Variants in A1CF observed in about 807,000 individuals in gnomAD.
The protein encoded by A1CF is APOBEC-1 stimulating protein.
A neutral mutation model predicts 68.9 loss-of-function variants in A1CF; 48 were observed. The observed-to-expected ratio is 0.70, with a 90% CI of 0.55 to 0.89. The LOEUF (loss-of-function observed/expected upper bound fraction) is 0.89, where lower values mean the gene tolerates loss of function less well. Among genes scored for constraint, A1CF ranks in the 40% least tolerant of loss-of-function variants. The pLI, the probability that A1CF is intolerant of heterozygous loss-of-function variation, is 0.00. For synonymous variants in A1CF, 272 were observed against 260.4 expected, an observed-to-expected ratio of 1.04 and a Z score of -0.43; for missense variants, 653 against 718.9, an observed-to-expected ratio of 0.91 and a Z score of 1.05.
intron 3 of A1CF, among the ~76,000 whole-genome samples, chr10:50,847,579 T>C (rs1840056875): frequency 6.6e-6 from 1 of 152,196 alleles, no homozygotes; most frequent in Non-Finnish European, 1.5e-5. Flanking sequence ...TTGAATGAAC[T>C]GAGTTAATTT....
intron 7 of A1CF, 117 bp downstream of exon 7, chr10:50,828,014 A>C: frequency 1.5e-6 from 1 of 687,398 alleles, no homozygotes. Context: ...AAACACCTCT[A>C]TGCAAATAAA....
chr10:50,816,387 G>T, intron 8 of A1CF, 108 bp from the exon 9 acceptor site: 1 of 1,236,190 alleles, frequency 8.1e-7, no homozygotes, highest in East Asian at 2.4e-5. Flanking sequence ...ATTTGCTGTA[G>T]GTTTATTGAT....
At chr10:50,861,138 G>A (rs1840727380) in intron 2 of A1CF, among the ~76,000 whole-genome samples, 1 of 152,054 alleles carries the variant, frequency 6.6e-6, no homozygotes. Context: ...AAGAAACTGG[G>A]TGAAAATTTG....
intron 1 of A1CF, among the ~76,000 whole-genome samples, chr10:50,879,504 A>G (rs1841674812): frequency 6.6e-6 from 1 of 152,182 alleles, no homozygotes; most frequent in South Asian, 2.1e-4. Flanking sequence ...GGTTTAATTG[A>G]CTCACAGTTC....
In A1CF at chr10:50,850,636, C is replaced by A. The variant is rs189395642; in HGVS notation, c.100-6514G>T. The stretch of plus-strand genomic sequence containing the variant: ...TCTGTAAAAGAGAACGAGTAAAATG[C>A]CAACTCACTTCTAAGACCCTCTGCT... On this transcript the variant is annotated intron_variant, in intron 3 of 12. Coordinates refer to ENST00000373997, the MANE Select transcript of A1CF (RefSeq NM_014576.4). The A allele has an allele frequency of 3.3e-4, 533 of 1,613,546 alleles. No individual in the cohort carries two copies. In the African/African-American group the frequency reaches 5.1e-3, roughly 15 times the overall value.
chr10:50,828,117 T>A lies in A1CF; in HGVS notation c.769+14A>T. The stretch of plus-strand genomic sequence containing the variant: ...AGAATGTTTTGAAAAACTAATCTTG[T>A]ATATATGTCCTACCTGGTTTGATAT... On this transcript the variant is annotated intron_variant, in intron 7 of 12. Transcript: ENST00000373997. The A allele has an allele frequency of 6.5e-7, 1 of 1,536,836 alleles. No individual in the cohort carries two copies. The highest frequency in any genetic ancestry group is 1.2e-5 in the South Asian group (1 of 80,236).
At chr10:50,878,331 T>C (rs1435078795) in intron 1 of A1CF, among the ~76,000 whole-genome samples, 2 of 152,206 alleles carry the variant, frequency 1.3e-5, no homozygotes, top group Admixed American at 6.5e-5. Flanking sequence ...AGAAATATGA[T>C]GAGAGTTATA....
chr10:50,829,950 G>T (rs989892138), intron 6 of A1CF, among the ~76,000 whole-genome samples: 2 of 152,046 alleles, frequency 1.3e-5, no homozygotes, highest in African/African-American at 4.8e-5. Context: ...GCATCTATTT[G>T]TGGTATACAA....
At chr10:50,864,762 G>T (rs961244609) in intron 1 of A1CF, among the ~76,000 whole-genome samples, 6 of 152,084 alleles carry the variant, frequency 3.9e-5, no homozygotes, top group South Asian at 4.1e-4. Context: ...GGGATTACAG[G>T]CAGGCACCAC....
chr10:50,799,443 A>G lies in A1CF; in HGVS notation c.*7286T>C, dbSNP rs1837513596. ...TTTAAAACTTTATAATGGCACTTGA[A>G]AATTCAATTAAAACAATTGCATCAT... On this transcript the variant is annotated 3_prime_UTR_variant, in exon 13 of 13. Coordinates refer to ENST00000373997, the MANE Select transcript of A1CF (RefSeq NM_014576.4). 6.6e-6 allele frequency: 1 copy of G among 152,192 alleles called. No homozygotes were observed. Among genetic ancestry groups the G allele is most frequent in the African/African-American group, 2.4e-5 (1 of 41,466 alleles). 9.4% of individuals were successfully genotyped at this position (152,192 alleles called of 1,614,324 possible).
chr10:50,833,448 C>T (rs1383576148), intron 6 of A1CF, among the ~76,000 whole-genome samples: 5 of 152,134 alleles, frequency 3.3e-5, no homozygotes, highest in Non-Finnish European at 5.9e-5. Flanking sequence ...TGGGATGCAG[C>T]AACTTTGTTC....
chr10:50,874,403 C>T (rs1335283387), intron 1 of A1CF, among the ~76,000 whole-genome samples: 1 of 152,126 alleles, frequency 6.6e-6, no homozygotes, highest in Non-Finnish European at 1.5e-5. Context: ...TTTCGAAAGA[C>T]ATTTCTCCAT....
chr10:50,836,342 G>A, intron 5 of A1CF, 30 bp from the exon 6 acceptor site: 1 of 1,595,286 alleles, frequency 6.3e-7, no homozygotes, highest in South Asian at 1.1e-5. Flanking sequence ...TTTGATTGAT[G>A]AGAATCCTTG....
chr10:50,810,899 A>G, intron 11 of A1CF, 141 bp downstream of exon 11: 1 of 1,026,456 alleles, frequency 9.7e-7, no homozygotes. Context: ...GCACATCCCA[A>G]CTACACATCT....
At chr10:50,809,843 T>C (rs374699955) in intron 12 of A1CF, 51 bp downstream of exon 12, 8 of 1,603,394 alleles carry the variant, frequency 5.0e-6, no homozygotes, top group African/African-American at 4.0e-5. Flanking sequence ...CAAAAAAGGG[T>C]TTCCCAAATA....
intron 3 of A1CF, among the ~76,000 whole-genome samples, chr10:50,847,479 A>T (rs532935215): frequency 1.4e-4 from 22 of 152,302 alleles, no homozygotes; most frequent in African/African-American, 4.8e-4. Context: ...AGTCTTCAAG[A>T]GATTTTGTCT....
At chr10:50,807,071 C>T (rs999325604) in intron 12 of A1CF, among the ~76,000 whole-genome samples, 191 bp from the exon 13 acceptor site, 1 of 152,148 alleles carries the variant, frequency 6.6e-6, no homozygotes, top group South Asian at 2.1e-4. Flanking sequence ...TTTAAACAGT[C>T]CTAGGACAAT....
At position 50,841,999 on chromosome 10, in the gene A1CF, G is replaced by C; in HGVS notation, c.235-7C>G. On this transcript the variant is annotated splice_polypyrimidine_tract_variant and splice_region_variant and intron_variant, in intron 4 of 12. Transcript: ENST00000373997. ...TTTCATAAATTTTACCGATCTGCAA[G>C]TAATAGAAATAGAACATTTATATTT... 1 of 1,603,212 alleles carries C rather than the reference G, an allele frequency of 6.2e-7. No homozygotes were observed. Among genetic ancestry groups the C allele is most frequent in the African/African-American group, 1.3e-5 (1 of 74,632 alleles).
intron 3 of A1CF, among the ~76,000 whole-genome samples, chr10:50,845,172 T>TTTTTGCCTAGAGAG (rs2132465794): frequency 6.6e-6 from 1 of 152,312 alleles, no homozygotes; most frequent in African/African-American, 2.4e-5. Context: ...AATATTTAAA[T>TTTTTGCCTAGAGAG]TTTTGCCTAG....
Sources: gnomAD v4.1 joint callset for allele counts (sites outside exome capture counted in the v4.1 genomes callset) on GRCh38, gnomAD v4.1.1 for gene constraint, MANE v1.5 for transcripts, NCBI Gene and HGNC (gene_info 2026-07-23, HGNC 2026-07-21) for gene names.